The following VWA8 variants were observed in gnomAD, a reference collection of about 807,000 sequenced individuals.
The protein encoded by VWA8 is von Willebrand factor A domain-containing protein 8.
VWA8 carries 221 observed loss-of-function variants against 241.5 expected under a neutral mutation model. The ratio of observed to expected loss-of-function variants is 0.91; its 90% CI spans 0.82 to 1.02. The LOEUF is 1.02. Ranked by LOEUF, VWA8 falls within the 50% of genes least tolerant of loss-of-function variation. VWA8 has a pLI of 0.00. For synonymous variants in VWA8, 852 were observed against 827.1 expected, an observed-to-expected ratio of 1.03 and a Z score of -0.52; for missense variants, 2,322 against 2,328.7, an observed-to-expected ratio of 1.00 and a Z score of 0.06.
intron 21 of VWA8, among the ~76,000 whole-genome samples, chr13:41,750,909 A>G (rs1458639254): frequency 6.6e-6 from 1 of 151,622 alleles, no homozygotes; most frequent in Non-Finnish European, 1.5e-5. Context: ...AAACTCAAGC[A>G]CAGTACAGTA....
chr13:41,866,982 T>C (rs1873341487), intron 10 of VWA8, among the ~76,000 whole-genome samples: 1 of 152,220 alleles, frequency 6.6e-6, no homozygotes, highest in Non-Finnish European at 1.5e-5. Flanking sequence ...GACTCTGGGC[T>C]GGATCATGTT....
In VWA8 at chr13:41,615,057, C is replaced by G; in HGVS notation, c.4639G>C (p.Asp1547His). Residue 1547 changes from aspartate (D) to histidine (H), a missense_variant, in exon 38 of 45, where the codon GAT (aspartate) becomes CAT (histidine). Physicochemically the swap from Asp to His is moderately conservative, Grantham distance 81 (BLOSUM62 -1). Coordinates refer to ENST00000379310, the MANE Select transcript of VWA8 (RefSeq NM_015058.2). ...TTCCCGTGTTTGGGGGAGCTTACATCTTCACCACTGTCTCTGTTGATTGTT... is the reference window on the plus strand; with the variant it reads ...TTCCCGTGTTTGGGGGAGCTTACATGTTCACCACTGTCTCTGTTGATTGTT... ...QITINRDSGE[D>H]VSSPKHGKED... The G allele has an allele frequency of 6.2e-7, 1 of 1,613,962 alleles. No individual in the cohort carries two copies.
intron 4 of VWA8, among the ~76,000 whole-genome samples, chr13:41,899,672 A>G (rs1875325970): frequency 6.6e-6 from 1 of 152,238 alleles, no homozygotes; most frequent in African/African-American, 2.4e-5. Context: ...AAGTACTATC[A>G]AACTTTATAA....
intron 41 of VWA8, 65 bp from the exon 42 acceptor site, chr13:41,587,735 G>C: frequency 6.3e-7 from 1 of 1,591,858 alleles, no homozygotes; most frequent in Non-Finnish European, 8.6e-7. Flanking sequence ...GGCTGTCTTG[G>C]GGATCTCACA....
Position 41,718,329 on chromosome 13 carries a change from T to G in VWA8, c.3116+1262A>C, listed in dbSNP as rs143186957. 5.4e-3 allele frequency among the ~76,000 whole-genome samples: 821 copies of G among 152,056 alleles called. 8 individuals are homozygous for G. The highest frequency in any genetic ancestry group is 0.019 in the African/African-American group (788 of 41,542). The stretch of plus-strand genomic sequence containing the variant: ...AAGTTTGCATATTAAAGAGGATCTC[T>G]TGAACTCTCTTATACAGACAATTTG... On this transcript the variant is annotated intron_variant, in intron 26 of 44. Coordinates refer to ENST00000379310, the MANE Select transcript of VWA8 (RefSeq NM_015058.2).
At chr13:41,669,558 TG>T (rs1419572595) in intron 37 of VWA8, among the ~76,000 whole-genome samples, 1 of 152,222 alleles carries the variant, frequency 6.6e-6, no homozygotes. Flanking sequence ...AATTCATTTT[TG>T]TAGCAGTCAA....
At chr13:41,806,531 A>G (rs183712720) in intron 17 of VWA8, among the ~76,000 whole-genome samples, 5 of 152,176 alleles carry the variant, frequency 3.3e-5, no homozygotes, top group Admixed American at 2.6e-4. Flanking sequence ...GTGAAACCCC[A>G]TCTCTACTAA....
At chr13:41,882,816 G>C (rs943876926) in intron 9 of VWA8, among the ~76,000 whole-genome samples, 1 of 151,946 alleles carries the variant, frequency 6.6e-6, no homozygotes, top group Non-Finnish European at 1.5e-5. Flanking sequence ...GAGGGAGACC[G>C]TGGGGAGAGG....
chr13:41,766,256 G>C (rs1424839642), intron 20 of VWA8, among the ~76,000 whole-genome samples: 1 of 152,098 alleles, frequency 6.6e-6, no homozygotes. Flanking sequence ...GGACTTTGGG[G>C]CTTTTCTTCC....
At chr13:41,591,267 T>A (rs1319246383) in intron 40 of VWA8, among the ~76,000 whole-genome samples, 1 of 152,230 alleles carries the variant, frequency 6.6e-6, no homozygotes, top group Non-Finnish European at 1.5e-5. Context: ...ACCCCACAAG[T>A]CTTTCTGGTT....
At chr13:41,587,697 G>C (rs569579836) in intron 41 of VWA8, 27 bp from the exon 42 acceptor site, 7 of 1,610,586 alleles carry the variant, frequency 4.3e-6, no homozygotes, top group Admixed American at 1.7e-5. Context: ...CAGAAAAGCC[G>C]TTTGTGAACT....
At chr13:41,715,375 C>T (rs1483985620) in intron 26 of VWA8, among the ~76,000 whole-genome samples, 4 of 151,606 alleles carry the variant, frequency 2.6e-5, no homozygotes, top group Non-Finnish European at 5.9e-5. Context: ...AAAGTTAGAG[C>T]GACATATAAA....
rs1256772690 is a variant in VWA8, at chr13:41,721,510, G to C, written c.2824C>G (p.Gln942Glu). 6.2e-7 allele frequency: 1 copy of C among 1,613,868 alleles called. No individual in the cohort carries two copies. Among genetic ancestry groups the C allele is most frequent in the Admixed American group, 1.7e-5 (1 of 59,986 alleles). ...GGCTCAGGCACATTTGGTCCATACTGTCTGAGCATCTCGAGCTCCGAGTGG... is the reference window on the plus strand; with the variant it reads ...GGCTCAGGCACATTTGGTCCATACTCTCTGAGCATCTCGAGCTCCGAGTGG... ...KPHSELEMLR[Q>E]YGPNVPEPIL... The change falls in exon 25 of 45, where the codon CAG (glutamine) becomes GAG (glutamate). Residue 942 changes from glutamine to glutamate, a missense_variant. By Grantham distance (29) the Gln-to-Glu change is conservative. Coordinates refer to ENST00000379310, the MANE Select transcript of VWA8 (RefSeq NM_015058.2).
At chr13:41,709,902 C>T (rs1311088397) in intron 26 of VWA8, among the ~76,000 whole-genome samples, 3 of 151,998 alleles carry the variant, frequency 2.0e-5, no homozygotes, top group Admixed American at 6.6e-5. Flanking sequence ...CTGCCTCAGC[C>T]TCCTGAGTAG....
chr13:41,787,122 G>A (rs989902288), intron 18 of VWA8, among the ~76,000 whole-genome samples: 1 of 147,398 alleles, frequency 6.8e-6, no homozygotes, highest in Non-Finnish European at 1.5e-5. Context: ...TTTGGAAAAA[G>A]TACATTTCTC....
intron 2 of VWA8, among the ~76,000 whole-genome samples, chr13:41,912,708 G>A (rs1876070018): frequency 6.6e-6 from 1 of 152,122 alleles, no homozygotes; most frequent in Admixed American, 6.5e-5. Context: ...TAGAAAATTT[G>A]ATGTAGACTT....
At chr13:41,607,112 A>T (rs1047966128) in intron 39 of VWA8, among the ~76,000 whole-genome samples, 1 of 152,102 alleles carries the variant, frequency 6.6e-6, no homozygotes, top group Non-Finnish European at 1.5e-5. Context: ...ATTACATGGG[A>T]TGTACTCTGA....
intron 2 of VWA8, among the ~76,000 whole-genome samples, chr13:41,928,391 T>G (rs932363424): frequency 2.0e-5 from 3 of 152,082 alleles, no homozygotes; most frequent in Admixed American, 6.5e-5. Flanking sequence ...CAAAATCATA[T>G]CTAGTATCAT....
chr13:41,647,557 A>G (rs189027854), intron 37 of VWA8, among the ~76,000 whole-genome samples: 1 of 152,368 alleles, frequency 6.6e-6, no homozygotes, highest in East Asian at 1.9e-4. Context: ...CTGAGTGTCC[A>G]GTAAGTTCAG....
Sources: allele counts gnomAD v4.1 joint callset (sites outside exome capture counted in the v4.1 genomes callset), GRCh38; gene constraint gnomAD v4.1.1; transcripts MANE v1.5; gene names NCBI Gene and HGNC (gene_info 2026-07-23, HGNC 2026-07-21).